ABCA13: variants seen among roughly 807,000 people sequenced by gnomAD.
ABCA13 encodes ATP binding cassette subfamily A member 13.
ABCA13 carries 476 observed loss-of-function variants against 478.7 expected under a neutral mutation model. That is an observed-to-expected ratio of 0.99 (90% confidence interval 0.92 to 1.07). The LOEUF (loss-of-function observed/expected upper bound fraction) is 1.07. Ranked by LOEUF, ABCA13 falls within the 50% of genes least tolerant of loss-of-function variation. The probability of loss-of-function intolerance (pLI) is 0.00; values close to 1 mark genes in which losing one functional copy is unlikely to be tolerated. For missense variants in ABCA13, 6,060 were observed against 5,910.6 expected (o/e 1.03, Z -0.83); for synonymous variants, 2,252 against 2,158.9 (o/e 1.04, Z -1.20).
intron 56 of ABCA13, among the ~76,000 whole-genome samples, chr7:48,585,808 A>G (rs1017631784): frequency 6.6e-6 from 1 of 152,212 alleles, no homozygotes; most frequent in East Asian, 1.9e-4. Flanking sequence ...ATGAATCTAT[A>G]TTAATACTTC....
In ABCA13 at chr7:48,273,499, G is replaced by T; in HGVS notation, c.3833G>T (p.Arg1278Ile). 6.3e-7 allele frequency: 1 copy of T among 1,598,770 alleles called. No individual in the cohort carries two copies. The highest frequency in any genetic ancestry group is 8.5e-7 in the Non-Finnish European group (1 of 1,171,230). The change falls in exon 17 of 62, where the codon AGA (arginine) becomes ATA (isoleucine). Residue 1278 changes from arginine to isoleucine, a missense_variant. Around this residue, in one of 3 missense-constraint regions of ABCA13, gnomAD observed 4,423 missense variants for 4,309.1 expected, o/e 1.03. Coordinates refer to ENST00000435803, the MANE Select transcript of ABCA13 (RefSeq NM_152701.5). ...TTTCCATTCAACGAAAGTACAAGCA[G>T]AGAGTTTTTAAATTCTCTGCTTGAA... ...KTFPFNESTS[R>I]EFLNSLLEVF...
At chr7:48,341,916 CAT>C (rs1247504863) in intron 29 of ABCA13, among the ~76,000 whole-genome samples, 1 of 41,146 alleles carries the variant, frequency 2.4e-5, no homozygotes, top group African/African-American at 8.8e-5. Flanking sequence ...TATATATACT[CAT>C]ATATATATAC....
In ABCA13 at chr7:48,526,705, T is replaced by G. The variant is rs148569382; in HGVS notation, c.14245-1531T>G. On this transcript the variant is annotated intron_variant, in intron 54 of 61. Coordinates refer to ENST00000435803, the MANE Select transcript of ABCA13 (RefSeq NM_152701.5). ...ATTGTAACACAATTGCAAGTATTTG[T>G]GTATCTAAACATAGACAAGGTACAG... Among the ~76,000 whole-genome samples, 18 of 152,332 alleles carry G rather than the reference T, an allele frequency of 1.2e-4. No homozygotes were observed. The East Asian group carries it at 3.3e-3, about 28-fold the overall frequency.
chr7:48,294,435 T>G lies in ABCA13; in HGVS notation c.8956-1265T>G, dbSNP rs1230754595. Among the ~76,000 whole-genome samples, 126 of 94,328 alleles carry G rather than the reference T, an allele frequency of 1.3e-3. 2 individuals carry two copies. The highest frequency in any genetic ancestry group is 4.4e-3 in the Middle Eastern group (1 of 226). The allele number at this position is 94,328 out of a possible 152,430, so 61.9% of individuals were successfully genotyped here. A position where few individuals can be genotyped will look rare whatever the true frequency, so the allele number is the denominator to read the frequency against. ...GCTTTGTTTCTATGGGTTTTTTTTT[T>G]TTTTTTGTTTTGTTTTTTTTTTGAG... On this transcript the variant is annotated intron_variant, in intron 20 of 61. Coordinates refer to ENST00000435803, the MANE Select transcript of ABCA13 (RefSeq NM_152701.5).
At chr7:48,402,838 G>A (rs754202201) in intron 38 of ABCA13, among the ~76,000 whole-genome samples, 1 of 152,368 alleles carries the variant, frequency 6.6e-6, no homozygotes, top group African/African-American at 2.4e-5. Flanking sequence ...CAGGAAGGTA[G>A]AAACATGCCT....
chr7:48,636,060 A>T (rs112584637), intron 59 of ABCA13, among the ~76,000 whole-genome samples: 7 of 152,326 alleles, frequency 4.6e-5, no homozygotes, highest in African/African-American at 1.7e-4. Context: ...GTGCCCGTAA[A>T]ATAGGGAGTC....
chr7:48,482,871 C>T (rs1487784376), intron 46 of ABCA13, among the ~76,000 whole-genome samples: 5 of 152,206 alleles, frequency 3.3e-5, no homozygotes, highest in Non-Finnish European at 5.9e-5. Context: ...TTATCAGTGC[C>T]TTCCGTTTTG....
Position 48,279,491 on chromosome 7 carries a change from A to G in ABCA13, c.8297A>G (p.Gln2766Arg), listed in dbSNP as rs1584596686. 6.2e-7 allele frequency: 1 copy of G among 1,612,746 alleles called. No individual in the cohort carries two copies. The highest frequency in any genetic ancestry group is 8.5e-7 in the Non-Finnish European group (1 of 1,179,202). ...TCTAATGTGTTGATGACATTTACTC[A>G]GCATCCAAATAACCTTTTGAAAACC... ...NVSNVLMTFTQHPNNLLKTIE... is the reference protein window; with the variant it reads ...NVSNVLMTFTRHPNNLLKTIE... The change falls in exon 18 of 62, where the codon CAG (glutamine) becomes CGG (arginine). Residue 2766 changes from glutamine to arginine, a missense_variant. By Grantham distance (43) the Gln-to-Arg change is conservative. This residue lies in a region of ABCA13 where 4,423 missense variants were observed against 4,309.1 expected (regional missense o/e 1.03). Transcript: ENST00000435803.
intron 15 of ABCA13, among the ~76,000 whole-genome samples, chr7:48,263,597 A>T (rs1411797013): frequency 6.6e-6 from 1 of 151,960 alleles, no homozygotes; most frequent in Non-Finnish European, 1.5e-5. Flanking sequence ...TGCTTAGCAC[A>T]GTATCGTAGG....
At chr7:48,304,213 A>G (rs1800568685) in intron 23 of ABCA13, among the ~76,000 whole-genome samples, 1 of 152,214 alleles carries the variant, frequency 6.6e-6, no homozygotes, top group African/African-American at 2.4e-5. Context: ...ACGACTTCTT[A>G]AAAACTGTAG....
At chr7:48,370,559 T>G (rs1352399996) in intron 32 of ABCA13, among the ~76,000 whole-genome samples, 1 of 151,982 alleles carries the variant, frequency 6.6e-6, no homozygotes, top group Non-Finnish European at 1.5e-5. Context: ...CATAGTGAAA[T>G]AAAATTGGAA....
chr7:48,221,277 A>G lies in ABCA13; in HGVS notation c.440-4A>G, dbSNP rs1297215706. 1 of 1,149,504 alleles carries G rather than the reference A, an allele frequency of 8.7e-7. No homozygotes were observed. 71.2% of individuals were successfully genotyped at this position (1,149,504 alleles called of 1,614,324 possible). A position where few individuals can be genotyped will look rare whatever the true frequency, so the allele number is the denominator to read the frequency against. ...TAATATCTCTTAAACCTTCTTTATT[A>G]TAGATTCTTCTTATGGTTCCAGTTT... On this transcript the variant is annotated splice_region_variant and splice_polypyrimidine_tract_variant and intron_variant, in intron 4 of 61. Coordinates refer to ENST00000435803, the MANE Select transcript of ABCA13 (RefSeq NM_152701.5).
chr7:48,420,781 A>G (rs983528263), intron 41 of ABCA13, among the ~76,000 whole-genome samples: 6 of 151,660 alleles, frequency 4.0e-5, no homozygotes, highest in African/African-American at 1.5e-4. Flanking sequence ...AGAAAAAAGA[A>G]TTGCTGTAAA....
At chr7:48,197,435 G>A (rs1405178446) in intron 2 of ABCA13, among the ~76,000 whole-genome samples, 1 of 152,206 alleles carries the variant, frequency 6.6e-6, no homozygotes, top group Non-Finnish European at 1.5e-5. Flanking sequence ...TGGAGTCAAA[G>A]TAGATAAGGG....
At chr7:48,397,152 A>G (rs887061556) in intron 38 of ABCA13, among the ~76,000 whole-genome samples, 1 of 152,172 alleles carries the variant, frequency 6.6e-6, no homozygotes, top group African/African-American at 2.4e-5. Context: ...TGATGAGTGC[A>G]CTGTGGCCTT....
intron 27 of ABCA13, 109 bp downstream of exon 27, chr7:48,317,405 CTCTTGTTTTGAA>C: frequency 8.2e-7 from 1 of 1,226,662 alleles, no homozygotes. Context: ...ATGTAGAAGG[CTCTTGTTTTGAA>C]TCTACTTCAT....
At chr7:48,428,856 T>C (rs1157381305) in intron 42 of ABCA13, among the ~76,000 whole-genome samples, 1 of 152,214 alleles carries the variant, frequency 6.6e-6, no homozygotes, top group Non-Finnish European at 1.5e-5. Flanking sequence ...GGCTTTTAGC[T>C]TCTTCAGAGT....
In ABCA13 at chr7:48,372,319, T is replaced by C. The variant is rs1284899458; in HGVS notation, c.10955T>C (p.Leu3652Pro). The change falls in exon 33 of 62, where the codon CTC becomes CCC. Residue 3652 changes from leucine (L) to proline (P), a missense_variant. Physicochemically the swap from Leu to Pro is moderately conservative, Grantham distance 98. This residue lies in a region of ABCA13 where 4,423 missense variants were observed against 4,309.1 expected (regional missense o/e 1.03). Transcript: ENST00000435803. The part of the protein sequence containing the change: ...FAHSNTFIVF[L>P]FLLDFGMSVV... ...CACAGCAATACCTTTATTGTTTTCC[T>C]CTTTCTCTTGGATTTTGGGATGTCA... The C allele has an allele frequency of 6.2e-7, 1 of 1,613,952 alleles. No individual in the cohort carries two copies. Among genetic ancestry groups the C allele is most frequent in the Admixed American group, 1.7e-5 (1 of 60,018 alleles).
chr7:48,475,638 G>A (rs1048684172), intron 45 of ABCA13, among the ~76,000 whole-genome samples: 1 of 151,828 alleles, frequency 6.6e-6, no homozygotes, highest in Admixed American at 6.6e-5. Context: ...GCTAATTTTT[G>A]TATTTTTAGT....
Sources: gnomAD v4.1 joint callset for allele counts (sites outside exome capture counted in the v4.1 genomes callset) on GRCh38, gnomAD v4.1.1 for gene constraint, gnomAD v4.1.1 regional missense constraint, MANE v1.5 for transcripts, NCBI Gene and HGNC (gene_info 2026-07-23, HGNC 2026-07-21) for gene names.